ABCA13: variants seen among roughly 807,000 people sequenced by gnomAD.
ABCA13 encodes ATP binding cassette subfamily A member 13.
A neutral mutation model predicts 478.7 loss-of-function variants in ABCA13; 476 were observed. The ratio of observed to expected loss-of-function variants is 0.99; its 90% CI spans 0.92 to 1.07. The LOEUF (loss-of-function observed/expected upper bound fraction) is 1.07. Ranked by LOEUF, ABCA13 falls within the 50% of genes least tolerant of loss-of-function variation. ABCA13 has a pLI of 0.00. For synonymous variants in ABCA13, 2,252 were observed against 2,158.9 expected, an observed-to-expected ratio of 1.04 and a Z score of -1.20; for missense variants, 6,060 against 5,910.6, an observed-to-expected ratio of 1.03 and a Z score of -0.83.
chr7:48,375,998 T>TA (rs1390019826), intron 34 of ABCA13, among the ~76,000 whole-genome samples: 2 of 152,128 alleles, frequency 1.3e-5, no homozygotes, highest in African/African-American at 2.4e-5. Flanking sequence ...AAACCTATTG[T>TA]AAAAAAATAA....
chr7:48,219,227 T>C, intron 3 of ABCA13, 127 bp from the exon 4 acceptor site: 2 of 893,904 alleles, frequency 2.2e-6, no homozygotes, highest in South Asian at 3.9e-5. Context: ...GCTCTCAGGG[T>C]AGATGATGAG....
In ABCA13 at chr7:48,643,322, T is replaced by C. The variant is rs1386239348; in HGVS notation, c.14872T>C (p.Cys4958Arg). The C allele has an allele frequency of 6.2e-7, 1 of 1,612,830 alleles. No individual in the cohort carries two copies. Among genetic ancestry groups the C allele is most frequent in the African/African-American group, 1.3e-5 (1 of 74,904 alleles). ...GDGYTVKVWL[C>R]KEANQHCTVS... ...TGGTTATACAGTCAAAGTTTGGCTC[T>C]GTAAGGAAGCAAATCAACATTGCAC... is the stretch of plus-strand genomic sequence containing the variant. The change falls in exon 60 of 62, where the codon TGT (cysteine) becomes CGT (arginine). Residue 4958 changes from cysteine (C) to arginine (R), a missense_variant. This residue lies in a region of ABCA13 where 1,627 missense variants were observed against 1,571.0 expected (regional missense o/e 1.04). Coordinates refer to ENST00000435803, the MANE Select transcript of ABCA13 (RefSeq NM_152701.5).
chr7:48,248,496 T>C, intron 14 of ABCA13, 52 bp downstream of exon 14: 1 of 1,383,252 alleles, frequency 7.2e-7, no homozygotes, highest in Non-Finnish European at 9.8e-7. Flanking sequence ...ATCAGAATGA[T>C]TTCAACTGCC....
In ABCA13 at chr7:48,631,190, T is replaced by C. The variant is rs534513027; in HGVS notation, c.14838-12098T>C. Among the ~76,000 whole-genome samples, 46 of 152,260 alleles carry C rather than the reference T, an allele frequency of 3.0e-4. No individual in the cohort carries two copies. In the Middle Eastern group the frequency reaches 0.017, roughly 56 times the overall value. On this transcript the variant is annotated intron_variant, in intron 59 of 61. Coordinates refer to ENST00000435803, the MANE Select transcript of ABCA13 (RefSeq NM_152701.5). ...GGTCTCACTTGTCAGTTTTTATTTT[T>C]GTTGGAATTGCTTTTGAGGACTTAG...
At chr7:48,186,924 C>T (rs1381904472) in intron 1 of ABCA13, among the ~76,000 whole-genome samples, 1 of 151,688 alleles carries the variant, frequency 6.6e-6, no homozygotes, top group African/African-American at 2.4e-5. Flanking sequence ...AGCCTTTTCA[C>T]CCCTCAGGGT....
chr7:48,400,803 A>G (rs987451956), intron 38 of ABCA13, among the ~76,000 whole-genome samples: 1 of 152,258 alleles, frequency 6.6e-6, no homozygotes, highest in Non-Finnish European at 1.5e-5. Context: ...GGAATGTGTC[A>G]TTCTGTACAA....
intron 15 of ABCA13, among the ~76,000 whole-genome samples, chr7:48,262,043 TACC>T (rs1794253726): frequency 6.6e-6 from 1 of 151,912 alleles, no homozygotes; most frequent in African/African-American, 2.4e-5. Context: ...ATTCTTGAAA[TACC>T]TGCTAACAAC....
intron 55 of ABCA13, among the ~76,000 whole-genome samples, chr7:48,536,988 A>T (rs1472232021): frequency 6.6e-6 from 1 of 152,046 alleles, no homozygotes; most frequent in South Asian, 2.1e-4. Context: ...AATTACTTAC[A>T]TAGGATTATA....
At chr7:48,601,213 T>C (rs939111500) in intron 58 of ABCA13, among the ~76,000 whole-genome samples, 6 of 152,176 alleles carry the variant, frequency 3.9e-5, no homozygotes, top group African/African-American at 7.2e-5. Context: ...GTTGTCAGAC[T>C]TTTCTTTAAT....
chr7:48,267,287 CTA>C (rs142544046), intron 15 of ABCA13, among the ~76,000 whole-genome samples: 1,889 of 152,058 alleles, frequency 0.012, 38 homozygotes, highest in African/African-American at 0.044. Flanking sequence ...GTACATTTTT[CTA>C]TTTCTTCTTA....
In ABCA13 at chr7:48,177,795, A is replaced by G. The variant is rs1005993992; in HGVS notation, c.69+6243A>G. Reference sequence around the variant, plus strand: ...TTCAACTTCTGTTTGGCTAGATGAGAAGATAAAGTTGATAATCTTCCTACT... The same window carrying G: ...TTCAACTTCTGTTTGGCTAGATGAGGAGATAAAGTTGATAATCTTCCTACT... On this transcript the variant is annotated intron_variant, in intron 1 of 61. Coordinates refer to ENST00000435803, the MANE Select transcript of ABCA13 (RefSeq NM_152701.5). Among the ~76,000 whole-genome samples, 4 of 152,310 alleles carry G rather than the reference A, an allele frequency of 2.6e-5. 1 individual carries two copies. The South Asian group carries it at 6.2e-4, about 24-fold the overall frequency.
intron 55 of ABCA13, among the ~76,000 whole-genome samples, chr7:48,547,122 A>G (rs1042363318): frequency 1.3e-5 from 2 of 151,856 alleles, no homozygotes; most frequent in African/African-American, 4.8e-5. Context: ...GCATGTACAC[A>G]TGCTTGCATG....
rs564767689 is a variant in ABCA13, at chr7:48,274,433, T to G, written c.4767T>G (p.Asp1589Glu). The G allele has an allele frequency of 2.5e-6, 4 of 1,613,562 alleles. No homozygotes were observed. The South Asian group carries it at 4.4e-5, about 18-fold the overall frequency. ...TTGCCACCAGTCCAAAAGAAAAGGA[T>G]GTAAACAGTGTAGGCAATTCCATTT... ...NIFATSPKEK[D>E]VNSVGNSIYH... The change falls in exon 17 of 62, where the codon GAT becomes GAG. Residue 1589 changes from aspartate (D) to glutamate (E), a missense_variant. Physicochemically the swap from Asp to Glu is conservative, Grantham distance 45 (BLOSUM62 2). Around this residue, in one of 3 missense-constraint regions of ABCA13, gnomAD observed 4,423 missense variants for 4,309.1 expected, o/e 1.03. Coordinates refer to ENST00000435803, the MANE Select transcript of ABCA13 (RefSeq NM_152701.5).
At chr7:48,253,953 G>A (rs571082696) in intron 15 of ABCA13, among the ~76,000 whole-genome samples, 8 of 150,738 alleles carry the variant, frequency 5.3e-5, no homozygotes, top group Admixed American at 5.3e-4. Flanking sequence ...GTGTGTGTTC[G>A]TGTGTGTGTC....
At chr7:48,573,420 G>A (rs532213215) in intron 55 of ABCA13, among the ~76,000 whole-genome samples, 1 of 151,942 alleles carries the variant, frequency 6.6e-6, no homozygotes, top group East Asian at 1.9e-4. Flanking sequence ...CACTGTCTGG[G>A]TGCAGTGGCT....
At chr7:48,470,774 C>A (rs1033625477) in intron 44 of ABCA13, among the ~76,000 whole-genome samples, 2 of 152,202 alleles carry the variant, frequency 1.3e-5, no homozygotes, top group African/African-American at 4.8e-5. Context: ...AGCTGCTTCA[C>A]CTCTCTGGAC....
chr7:48,600,251 A>G (rs1790740537), intron 58 of ABCA13, among the ~76,000 whole-genome samples: 1 of 151,996 alleles, frequency 6.6e-6, no homozygotes, highest in Non-Finnish European at 1.5e-5. Context: ...TCTTTTGGAT[A>G]ATGTTTGTGT....
chr7:48,214,655 T>G (rs1329557756), intron 3 of ABCA13, among the ~76,000 whole-genome samples: 1 of 152,216 alleles, frequency 6.6e-6, no homozygotes, highest in African/African-American at 2.4e-5. Context: ...TGGAGACGGC[T>G]TCTTTCCTGA....
intron 14 of ABCA13, 107 bp from the exon 15 acceptor site, chr7:48,249,105 A>G: frequency 1.1e-6 from 1 of 895,672 alleles, no homozygotes; most frequent in Non-Finnish European, 1.7e-6. Flanking sequence ...ACATAAGTGG[A>G]CTGCCATGCA....
Sources: gnomAD v4.1 joint callset for allele counts (sites outside exome capture counted in the v4.1 genomes callset) on GRCh38, gnomAD v4.1.1 for gene constraint, gnomAD v4.1.1 regional missense constraint, MANE v1.5 for transcripts, NCBI Gene and HGNC (gene_info 2026-07-23, HGNC 2026-07-21) for gene names.